Variants in UNC13C observed in about 807,000 individuals in gnomAD.
UNC13C encodes unc-13 homolog C.
Under a neutral mutation model 245.4 loss-of-function variants are expected in UNC13C, and 174 were observed. The observed-to-expected ratio is 0.71, with a 90% CI of 0.63 to 0.80. UNC13C has a LOEUF of 0.80. UNC13C is among the 30% of genes least tolerant of loss of function. The pLI, the probability that UNC13C is intolerant of heterozygous loss-of-function variation, is 0.00. For missense variants in UNC13C, 2,829 were observed against 2,602.9 expected, an observed-to-expected ratio of 1.09 and a Z score of -1.89; for synonymous variants, 992 against 895.1, an observed-to-expected ratio of 1.11 and a Z score of -1.93.
intron 8 of UNC13C, among the ~76,000 whole-genome samples, chr15:54,252,306 A>G (rs1442260833): frequency 6.6e-6 from 1 of 152,196 alleles, no homozygotes; most frequent in South Asian, 2.1e-4. Flanking sequence ...CATGTTCATA[A>G]TCTATTTCCA....
the UNC13C span, among the ~76,000 whole-genome samples, chr15:53,865,389 T>C: frequency 1.3e-5 from 2 of 152,200 alleles, no homozygotes; most frequent in Non-Finnish European, 2.9e-5. Flanking sequence ...TGGTTTTTCC[T>C]GAGGCCTCTC....
intron 2 of UNC13C, among the ~76,000 whole-genome samples, chr15:54,055,430 T>A (rs1300884342): frequency 1.3e-5 from 2 of 152,220 alleles, no homozygotes; most frequent in Non-Finnish European, 2.9e-5. Flanking sequence ...TGAGATTCTA[T>A]TTTTTATTTA....
chr15:53,980,452 A>T (rs867710097), intron 1 of UNC13C, among the ~76,000 whole-genome samples: 7 of 152,208 alleles, frequency 4.6e-5, no homozygotes, highest in African/African-American at 1.7e-4. Context: ...CTGTAGGTGA[A>T]ACACTATAGC....
intron 18 of UNC13C, among the ~76,000 whole-genome samples, chr15:54,396,605 T>C (rs984134311): frequency 1.3e-5 from 2 of 151,590 alleles, no homozygotes; most frequent in Non-Finnish European, 3.0e-5. Context: ...ACTCTTTTAT[T>C]TCTATTGAGT....
At chr15:54,292,022 CAAATACTAT>C (rs1344756370) in intron 10 of UNC13C, among the ~76,000 whole-genome samples, 1 of 151,892 alleles carries the variant, frequency 6.6e-6, no homozygotes, top group Non-Finnish European at 1.5e-5. Context: ...CACACTGATA[CAAATACTAT>C]AAATACTACA....
intron 29 of UNC13C, among the ~76,000 whole-genome samples, chr15:54,559,369 T>TG (rs987962443): frequency 2.0e-5 from 3 of 152,044 alleles, no homozygotes; most frequent in Non-Finnish European, 2.9e-5. Flanking sequence ...CCATTGTCCA[T>TG]GGGGTGATTC....
At chr15:53,927,885 A>G in the UNC13C span, among the ~76,000 whole-genome samples, 63 of 152,236 alleles carry the variant, frequency 4.1e-4, 1 homozygote, top group African/African-American at 1.5e-3. Context: ...TAAGAGTAGA[A>G]GAATGAGAAG....
At chr15:54,363,203 G>GA (rs2039276783) in intron 17 of UNC13C, among the ~76,000 whole-genome samples, 2 of 152,184 alleles carry the variant, frequency 1.3e-5, no homozygotes, top group African/African-American at 2.4e-5. Context: ...CTGCCTCCTG[G>GA]GTTCAAGTGA....
At chr15:54,273,958 G>A (rs982156068) in intron 10 of UNC13C, among the ~76,000 whole-genome samples, 11 of 152,054 alleles carry the variant, frequency 7.2e-5, no homozygotes, top group African/African-American at 1.7e-4. Flanking sequence ...GTTAGTATCC[G>A]CCCCAACACT....
At chr15:53,909,271 T>C in the UNC13C span, among the ~76,000 whole-genome samples, 1 of 146,648 alleles carries the variant, frequency 6.8e-6, no homozygotes, top group African/African-American at 2.4e-5. Context: ...TTCTGCACTG[T>C]GCTTTTTTTT....
chr15:53,892,476 G>C, the UNC13C span, among the ~76,000 whole-genome samples: 1 of 152,148 alleles, frequency 6.6e-6, no homozygotes, highest in Non-Finnish European at 1.5e-5. Flanking sequence ...GTGTTTTCCA[G>C]CTTGGTTCCA....
At chr15:54,042,999 T>C (rs757165501) in intron 2 of UNC13C, among the ~76,000 whole-genome samples, 10 of 152,140 alleles carry the variant, frequency 6.6e-5, no homozygotes, top group Non-Finnish European at 1.3e-4. Context: ...CTATTCAGCC[T>C]GGAAACATGA....
intron 30 of UNC13C, among the ~76,000 whole-genome samples, chr15:54,594,721 T>G (rs1181209633): frequency 6.6e-6 from 1 of 152,184 alleles, no homozygotes; most frequent in Non-Finnish European, 1.5e-5. Context: ...AGAGGGCAAG[T>G]TGGGCTTGAA....
chr15:54,338,162 A>G (rs1596246229), intron 16 of UNC13C, among the ~76,000 whole-genome samples, 199 bp from the exon 17 acceptor site: 1 of 152,326 alleles, frequency 6.6e-6, no homozygotes, highest in East Asian at 1.9e-4. Flanking sequence ...TTGAGTGTTT[A>G]CAGCCATTAT....
intron 4 of UNC13C, among the ~76,000 whole-genome samples, chr15:54,146,012 G>A (rs2032240543): frequency 6.6e-6 from 1 of 152,110 alleles, no homozygotes; most frequent in Non-Finnish European, 1.5e-5. Context: ...ATATGGGAAG[G>A]GGGTGATAAT....
intron 2 of UNC13C, among the ~76,000 whole-genome samples, chr15:54,044,830 G>C (rs939011912): frequency 2.6e-5 from 4 of 151,966 alleles, no homozygotes; most frequent in Admixed American, 6.6e-5. Context: ...TAATTACTAA[G>C]GGTGTTTTTC....
chr15:53,889,517 C>T, the UNC13C span, among the ~76,000 whole-genome samples: 1 of 152,158 alleles, frequency 6.6e-6, no homozygotes, highest in Admixed American at 6.5e-5. Context: ...ATTTGACTTC[C>T]TTTCTTCCTA....
At chr15:54,294,519 A>G (rs1323938536) in intron 11 of UNC13C, among the ~76,000 whole-genome samples, 2 of 152,152 alleles carry the variant, frequency 1.3e-5, no homozygotes, top group Non-Finnish European at 2.9e-5. Flanking sequence ...GACAAAGTCA[A>G]GTAAACATGT....
intron 2 of UNC13C, among the ~76,000 whole-genome samples, chr15:54,031,568 A>G (rs186910278): frequency 1.1e-4 from 16 of 152,294 alleles, no homozygotes; most frequent in Admixed American, 9.8e-4. Flanking sequence ...TGAAGTTTCT[A>G]CATTTTGACA....
Sources: gnomAD v4.1 joint callset for allele counts (sites outside exome capture counted in the v4.1 genomes callset) on GRCh38, gnomAD v4.1.1 for gene constraint, MANE v1.5 for transcripts, NCBI Gene and HGNC (gene_info 2026-07-23, HGNC 2026-07-21) for gene names.